The following TFB1M variants were observed in gnomAD, a reference collection of about 807,000 sequenced individuals.
The protein encoded by TFB1M is transcription factor B1, mitochondrial.
A neutral mutation model predicts 31.1 loss-of-function variants in TFB1M; 27 were observed. The observed-to-expected ratio is 0.87, with a 90% CI of 0.64 to 1.20. The LOEUF is 1.20. Ranked by LOEUF, TFB1M falls within the 50% of genes most tolerant of loss-of-function variation. The pLI, the probability that TFB1M is intolerant of heterozygous loss-of-function variation, is 0.00. For synonymous variants in TFB1M, 166 were observed against 151.8 expected (o/e 1.09, Z -0.69); for missense variants, 394 against 418.7 (o/e 0.94, Z 0.51).
chr6:155,242,292 A>G, the TFB1M span, among the ~76,000 whole-genome samples: 3 of 152,352 alleles, frequency 2.0e-5, no homozygotes, highest in African/African-American at 4.8e-5. Flanking sequence ...TGATTCACAC[A>G]CACACCACCG....
intron 4 of TFB1M, among the ~76,000 whole-genome samples, chr6:155,291,775 G>C (rs1776938244): frequency 6.6e-6 from 1 of 152,118 alleles, no homozygotes; most frequent in Non-Finnish European, 1.5e-5. Context: ...ATGCCCCTGA[G>C]GAGCAGATAA....
intron 2 of TFB1M, among the ~76,000 whole-genome samples, chr6:155,299,745 T>C (rs1247434756): frequency 6.6e-6 from 1 of 152,112 alleles, no homozygotes; most frequent in Non-Finnish European, 1.5e-5. Context: ...AGCTGATTTT[T>C]TTTCTCCTAA....
chr6:155,257,189 G>GC lies in TFB1M; in HGVS notation c.*646dup. 1.9e-6 allele frequency: 1 copy of GC among 535,446 alleles called. No individual in the cohort carries two copies. 33.2% of individuals were successfully genotyped at this position (535,446 alleles called of 1,614,324 possible). On this transcript the variant is annotated 3_prime_UTR_variant, in exon 7 of 7. Transcript: ENST00000367166. ...TTAAACTGGTGGTAAAGTGGAAATT[G>GC]CAAAAAAAAAAAAAAAAAAAAACTG...
In TFB1M at chr6:155,314,402, A is replaced by T. The variant is rs1778160881; in HGVS notation, c.27T>A (p.Thr9=). The T allele has an allele frequency of 1.9e-6, 3 of 1,614,264 alleles. No homozygotes were observed. Among genetic ancestry groups the T allele is most frequent in the Non-Finnish European group, 2.5e-6 (3 of 1,180,050 alleles). The change falls in exon 1 of 7, where the codon ACT becomes ACA. Residue 9 remains threonine (T), a synonymous_variant. Transcript: ENST00000367166. ...TCGTGGGCAACGGAGGGAGACGGCAAGTGCTGAGTTTTCCGGAGGCAGCCA... is the reference window on the plus strand; with the variant it reads ...TCGTGGGCAACGGAGGGAGACGGCATGTGCTGAGTTTTCCGGAGGCAGCCA... MAASGKLS[T]CRLPPLPTIR...
At chr6:155,281,199 T>C (rs1371566189) in intron 5 of TFB1M, among the ~76,000 whole-genome samples, 1 of 152,234 alleles carries the variant, frequency 6.6e-6, no homozygotes, top group Non-Finnish European at 1.5e-5. Flanking sequence ...GCATTGATTA[T>C]TTCTATTCCT....
chr6:155,275,670 C>A (rs1340810036), intron 5 of TFB1M: 6 of 1,504,190 alleles, frequency 4.0e-6, no homozygotes, highest in Admixed American at 1.9e-5. Context: ...TGACAGCCAT[C>A]ATTGTTAAAC....
chr6:155,311,322 C>T lies in TFB1M; in HGVS notation c.151G>A (p.Ala51Thr), dbSNP rs1376934382. 6.2e-7 allele frequency: 1 copy of T among 1,613,928 alleles called. No homozygotes were observed. Among genetic ancestry groups the T allele is most frequent in the Admixed American group, 1.7e-5 (1 of 60,014 alleles). Residue 51 changes from alanine (A) to threonine (T), a missense_variant, in exon 2 of 7, where the codon GCT becomes ACT. Physicochemically the swap from Ala to Thr is moderately conservative, Grantham distance 58 (BLOSUM62 0). Around this residue, in one of 3 missense-constraint regions of TFB1M, gnomAD observed 273 missense variants for 256.4 expected, o/e 1.06. Coordinates refer to ENST00000367166, the MANE Select transcript of TFB1M (RefSeq NM_016020.4). ...ACATAAGCATTTGTCAGATTGCCAGCTTTCCTTACAATCTTATCTAGAGGA... is the reference window on the plus strand; with the variant it reads ...ACATAAGCATTTGTCAGATTGCCAGTTTTCCTTACAATCTTATCTAGAGGA... ...LRLTDKIVRK[A>T]GNLTNAYVYE... is the part of the protein sequence containing the mutation.
chr6:155,275,771 G>T, intron 5 of TFB1M: 5 of 1,614,116 alleles, frequency 3.1e-6, no homozygotes, highest in Non-Finnish European at 3.4e-6. Context: ...CTTATCTGGG[G>T]TCTCTGGAGT....
chr6:155,244,515 T>A, the TFB1M span: 1 of 964,074 alleles, frequency 1.0e-6, no homozygotes, highest in Non-Finnish European at 1.5e-6. Context: ...CCATAATGAA[T>A]GTGCTGTCTT....
chr6:155,262,697 A>G (rs1784443743), intron 5 of TFB1M, among the ~76,000 whole-genome samples: 2 of 152,200 alleles, frequency 1.3e-5, no homozygotes, highest in South Asian at 2.1e-4. Flanking sequence ...GACCAAAAGC[A>G]CAAATACAGA....
At chr6:155,253,023 G>T, downstream of TFB1M, 1 of 1,614,110 alleles carries the variant, frequency 6.2e-7, no homozygotes. Flanking sequence ...CCCCATCTCC[G>T]CGCTTCAAGT....
intron 3 of TFB1M, among the ~76,000 whole-genome samples, chr6:155,298,264 T>C (rs1159927290): frequency 6.6e-6 from 1 of 152,096 alleles, no homozygotes; most frequent in Non-Finnish European, 1.5e-5. Context: ...CATTTGGAAA[T>C]GAGACAAATG....
At chr6:155,312,099 G>C (rs1478642323) in intron 1 of TFB1M, among the ~76,000 whole-genome samples, 1 of 152,174 alleles carries the variant, frequency 6.6e-6, no homozygotes, top group Non-Finnish European at 1.5e-5. Flanking sequence ...TAGTGATTCT[G>C]AGATATGGAA....
At position 155,285,260 on chromosome 6, in the gene TFB1M, T is replaced by C; in HGVS notation, c.564A>G (p.Thr188=). 1 of 1,614,002 alleles carries C rather than the reference T, an allele frequency of 6.2e-7. No homozygotes were observed. The highest frequency in any genetic ancestry group is 8.5e-7 in the Non-Finnish European group (1 of 1,179,874). ...AGAGGCGACTACGCTGTTTGCTTCC[T>C]GTATTGGCTGCAAGTCTCTAGAGAG... ...KEVAERLAAN[T]GSKQRSRLSV... Residue 188 remains threonine (T), a synonymous_variant, in exon 5 of 7, where the codon ACA becomes ACG. Coordinates refer to ENST00000367166, the MANE Select transcript of TFB1M (RefSeq NM_016020.4).
chr6:155,271,788 TA>T (rs1364309136), intron 5 of TFB1M, among the ~76,000 whole-genome samples: 1 of 152,202 alleles, frequency 6.6e-6, no homozygotes, highest in Non-Finnish European at 1.5e-5. Flanking sequence ...ACTATGTGAC[TA>T]AAACATTATA....
the TFB1M span, among the ~76,000 whole-genome samples, chr6:155,241,923 GC>G: frequency 6.6e-6 from 1 of 152,186 alleles, no homozygotes; most frequent in African/African-American, 2.4e-5. Context: ...TGGAGCTCTT[GC>G]CCCAAGAGTT....
chr6:155,275,773 C>T (rs746339039), intron 5 of TFB1M: 1 of 1,614,012 alleles, frequency 6.2e-7, no homozygotes, highest in Non-Finnish European at 8.5e-7. Flanking sequence ...TATCTGGGGT[C>T]TCTGGAGTGC....
chr6:155,297,586 C>T (rs1243105551), intron 3 of TFB1M, among the ~76,000 whole-genome samples: 1 of 152,060 alleles, frequency 6.6e-6, no homozygotes, highest in African/African-American at 2.4e-5. Context: ...ACCCCAGAAA[C>T]AACAATCTGT....
intron 1 of TFB1M, 28 bp downstream of exon 1, chr6:155,314,268 A>T (rs1778151066): frequency 1.9e-6 from 3 of 1,612,074 alleles, no homozygotes; most frequent in African/African-American, 1.3e-5. Context: ...CTGGGGAGAC[A>T]TCCGGGGAGC....
Sources: allele counts gnomAD v4.1 joint callset (sites outside exome capture counted in the v4.1 genomes callset), GRCh38; gene constraint gnomAD v4.1.1; regional missense constraint gnomAD v4.1.1; transcripts MANE v1.5; gene names NCBI Gene and HGNC (gene_info 2026-07-23, HGNC 2026-07-21).